MYO1F: variants seen among roughly 807,000 people sequenced by gnomAD.
The protein encoded by MYO1F is myosin IF, also known as unconventional myosin-If.
A neutral mutation model predicts 146.6 loss-of-function variants in MYO1F; 60 were observed. That is an observed-to-expected ratio of 0.41 (90% CI 0.33 to 0.51). The LOEUF (loss-of-function observed/expected upper bound fraction) is 0.51. Among genes scored for constraint, MYO1F ranks in the 20% least tolerant of loss-of-function variants. The pLI, the probability that MYO1F is intolerant of heterozygous loss-of-function variation, is 0.25. For synonymous variants in MYO1F, 602 were observed against 602.1 expected (o/e 1.00, Z 0.00); for missense variants, 1,274 against 1,534.3 (o/e 0.83, Z 2.83).
chr19:8,536,664 GTGCT>G, intron 17 of MYO1F, 67 bp from the exon 18 acceptor site: 1 of 482,704 alleles, frequency 2.1e-6, no homozygotes, highest in South Asian at 2.1e-5. Context: ...TGGGTGGGAG[GTGCT>G]GGAGGTGGGG....
intron 1 of MYO1F, among the ~76,000 whole-genome samples, chr19:8,573,505 ATTCTC>A (rs1484327455): frequency 6.6e-6 from 1 of 151,940 alleles, no homozygotes; most frequent in Non-Finnish European, 1.5e-5. Context: ...CCTTCCTTAC[ATTCTC>A]CCACGATCAC....
intron 1 of MYO1F, among the ~76,000 whole-genome samples, chr19:8,560,027 ATGGT>A (rs1455558994): frequency 6.6e-6 from 1 of 151,702 alleles, no homozygotes; most frequent in East Asian, 1.9e-4. Context: ...GGGGATGTAG[ATGGT>A]TGATACTGGC....
At chr19:8,528,613 T>C (rs143456474) in intron 21 of MYO1F, among the ~76,000 whole-genome samples, 57 of 151,810 alleles carry the variant, frequency 3.8e-4, no homozygotes, top group Non-Finnish European at 2.9e-4. Context: ...TGGGAATGTG[T>C]TGGTTGGTTG....
rs745975606 is a variant in MYO1F at position 8,555,596 on chromosome 19, C to T, written c.141+63G>A. On this transcript the variant is annotated intron_variant, in intron 2 of 27. Transcript: ENST00000644032. ...CCCTCTGCTCCTTCACCCTCCTCTC[C>T]GTCCATGGCCCAGCCATTCATTCCT... 53 of 1,608,684 alleles carry T rather than the reference C, an allele frequency of 3.3e-5. No homozygotes were observed. The African/African-American group carries it at 5.3e-4, about 16-fold the overall frequency.
At chr19:8,566,937 A>C (rs2042015239) in intron 1 of MYO1F, among the ~76,000 whole-genome samples, 1 of 152,000 alleles carries the variant, frequency 6.6e-6, no homozygotes, top group Admixed American at 6.6e-5. Context: ...TCAGCCTATG[A>C]AAGTGCTAGG....
At chr19:8,535,315 C>A (rs1018168670) in intron 19 of MYO1F, among the ~76,000 whole-genome samples, 2 of 152,158 alleles carry the variant, frequency 1.3e-5, no homozygotes, top group East Asian at 3.8e-4. Context: ...CATCTGCCAT[C>A]GTGAATTTCA....
At chr19:8,524,148 C>T (rs1464060960) in intron 25 of MYO1F, among the ~76,000 whole-genome samples, 2 of 136,620 alleles carry the variant, frequency 1.5e-5, no homozygotes, top group East Asian at 2.2e-4. Context: ...AGGCCGGGCG[C>T]GGTGGCTCAC....
chr19:8,573,553 C>T (rs1159666961), intron 1 of MYO1F, among the ~76,000 whole-genome samples: 1 of 151,924 alleles, frequency 6.6e-6, no homozygotes, highest in African/African-American at 2.4e-5. Flanking sequence ...TAATAACCAA[C>T]CACCATCTAG....
chr19:8,530,293 A>G lies in MYO1F; in HGVS notation c.2231T>C (p.Leu744Pro), dbSNP rs1229751830. The G allele has an allele frequency of 6.2e-7, 1 of 1,614,122 alleles. No individual in the cohort carries two copies. The highest frequency in any genetic ancestry group is 8.5e-7 in the Non-Finnish European group (1 of 1,180,016). Residue 744 changes from leucine to proline, a missense_variant, in exon 21 of 28, where the codon CTG becomes CCG. By Grantham distance (98) the Leu-to-Pro change is moderately conservative. This residue lies in a region of MYO1F where 900 missense variants were observed against 1,155.1 expected (regional missense o/e 0.78). Coordinates refer to ENST00000644032, the MANE Select transcript of MYO1F (RefSeq NM_012335.4). This position sits in a 1 kb window ranked among gnomAD's most constrained non-coding sequence, Gnocchi z 5.8. Reference sequence around the variant, plus strand: ...CAGCTCGGGCCGCTCCTCCAGCCCCAGGTAGTCCCCGACGAAGTTCCGATT... The same window carrying G: ...CAGCTCGGGCCGCTCCTCCAGCCCCGGGTAGTCCCCGACGAAGTTCCGATT... Reference protein sequence around the residue: ...SINRNFVGDYLGLEERPELRQ... With the variant: ...SINRNFVGDYPGLEERPELRQ...
chr19:8,569,098 TTGAATGAA>T (rs200334457), intron 1 of MYO1F, among the ~76,000 whole-genome samples: 3 of 151,962 alleles, frequency 2.0e-5, no homozygotes, highest in African/African-American at 4.8e-5. Flanking sequence ...TACATACTTG[TTGAATGAA>T]TGAATGAATG....
chr19:8,564,558 A>G (rs2041965966), intron 1 of MYO1F, among the ~76,000 whole-genome samples: 1 of 152,026 alleles, frequency 6.6e-6, no homozygotes, highest in Admixed American at 6.6e-5. Context: ...CGGACCAGGC[A>G]GGGGAGGCCC....
At chr19:8,521,964 G>C (rs1032609040) in intron 27 of MYO1F, among the ~76,000 whole-genome samples, 3 of 151,166 alleles carry the variant, frequency 2.0e-5, no homozygotes, top group African/African-American at 2.4e-5. Flanking sequence ...TGTTATCTCT[G>C]TTCTCCCGTG....
intron 10 of MYO1F, among the ~76,000 whole-genome samples, chr19:8,548,592 CTTTTT>C (rs1288175114): frequency 7.2e-6 from 1 of 139,286 alleles, no homozygotes; most frequent in African/African-American, 3.1e-5. Flanking sequence ...CCTCTATTTT[CTTTTT>C]TTTTTTTTCT....
At position 8,527,479 on chromosome 19, in the gene MYO1F, A is replaced by G; in HGVS notation, c.2333T>C (p.Ile778Thr). The G allele has an allele frequency of 6.2e-7, 1 of 1,613,912 alleles. No homozygotes were observed. Among genetic ancestry groups the G allele is most frequent in the Non-Finnish European group, 8.5e-7 (1 of 1,179,956 alleles). The change falls in exon 22 of 28, where the codon ATC becomes ACC. Residue 778 changes from isoleucine (I) to threonine (T), a missense_variant. Around this residue, in one of 2 missense-constraint regions of MYO1F, gnomAD observed 900 missense variants for 1,155.1 expected, o/e 0.78. Coordinates refer to ENST00000644032, the MANE Select transcript of MYO1F (RefSeq NM_012335.4). ...GGGCGTCAGGATCAAGTCCCGCTTGATGGGCTGTGGGGATGCAGGATTAGA... is the reference window on the plus strand; with the variant it reads ...GGGCGTCAGGATCAAGTCCCGCTTGGTGGGCTGTGGGGATGCAGGATTAGA... ...VTKYDRRFKP[I>T]KRDLILTPKC...
chr19:8,528,009 G>A (rs1469749846), intron 21 of MYO1F, among the ~76,000 whole-genome samples: 1 of 152,178 alleles, frequency 6.6e-6, no homozygotes, highest in Non-Finnish European at 1.5e-5. Context: ...AGATCATGAG[G>A]TCAGGAGTTT....
intron 1 of MYO1F, among the ~76,000 whole-genome samples, chr19:8,562,911 G>GTC (rs1017200054): frequency 6.6e-6 from 1 of 152,148 alleles, no homozygotes; most frequent in African/African-American, 2.4e-5. Flanking sequence ...AGGTGGGACT[G>GTC]TCATACTTGT....
intron 15 of MYO1F, chr19:8,541,673 T>A (rs1972977353): frequency 1.8e-6 from 1 of 544,024 alleles, no homozygotes; most frequent in African/African-American, 1.9e-5. Flanking sequence ...AAGAGATTTG[T>A]CCACTTCGGC....
rs762362221 is a variant in MYO1F, at chr19:8,521,618, G to A, written c.3221-14C>T. 1.9e-6 allele frequency: 3 copies of A among 1,613,714 alleles called. No individual in the cohort carries two copies. Among genetic ancestry groups the A allele is most frequent in the Non-Finnish European group, 2.5e-6 (3 of 1,179,802 alleles). On this transcript the variant is annotated splice_polypyrimidine_tract_variant and intron_variant, in intron 27 of 27. Transcript: ENST00000644032. ...AGCCCGAGGGATCTGTGGGAGAGAG[G>A]AAAGCTTGAGGTGCCCCTAGCTGGC...
intron 1 of MYO1F, among the ~76,000 whole-genome samples, chr19:8,569,731 A>G (rs1443847615): frequency 6.6e-6 from 1 of 152,116 alleles, no homozygotes; most frequent in Non-Finnish European, 1.5e-5. Flanking sequence ...AGGCAGCATC[A>G]GTGGTGGCTG....
Sources: allele counts gnomAD v4.1 joint callset (sites outside exome capture counted in the v4.1 genomes callset), GRCh38; gene constraint gnomAD v4.1.1; regional missense constraint gnomAD v4.1.1; non-coding constraint Gnocchi (gnomAD v3.1); transcripts MANE v1.5; gene names NCBI Gene and HGNC (gene_info 2026-07-23, HGNC 2026-07-21).